NTM: variants seen among roughly 807,000 people sequenced by gnomAD.
The protein encoded by NTM is neurotrimin, also known as IgLON family member 2.
A neutral mutation model predicts 42.1 loss-of-function variants in NTM; 13 were observed. The ratio of observed to expected loss-of-function variants is 0.31; its 90% confidence interval spans 0.20 to 0.49. The LOEUF is 0.49. NTM is among the 20% of genes least tolerant of loss of function. NTM has a pLI of 0.99. For synonymous variants in NTM, 187 were observed against 179.2 expected (o/e 1.04, Z -0.35); for missense variants, 373 against 452.8 (o/e 0.82, Z 1.60).
intron 1 of NTM, among the ~76,000 whole-genome samples, chr11:131,464,362 G>T (rs547024998): frequency 1.4e-4 from 22 of 151,894 alleles, no homozygotes; most frequent in Non-Finnish European, 2.5e-4. Context: ...GGAAAGCTGG[G>T]GGGGGGGCAG....
intron 3 of NTM, among the ~76,000 whole-genome samples, chr11:132,169,715 A>G (rs990305564): frequency 6.6e-6 from 1 of 152,172 alleles, no homozygotes; most frequent in Non-Finnish European, 1.5e-5. Flanking sequence ...GATAAGAAGC[A>G]GAATACTGAC....
intron 1 of NTM, among the ~76,000 whole-genome samples, chr11:131,652,273 T>G (rs963461431): frequency 1.3e-5 from 2 of 151,968 alleles, no homozygotes; most frequent in Admixed American, 6.6e-5. Flanking sequence ...GATCATTGTG[T>G]TTTTTTTCTA....
At chr11:131,977,379 A>G (rs1289775509) in intron 2 of NTM, among the ~76,000 whole-genome samples, 3 of 152,230 alleles carry the variant, frequency 2.0e-5, no homozygotes, top group Admixed American at 6.5e-5. Flanking sequence ...ATGTCATGCA[A>G]GGCTATTCTG....
intron 3 of NTM, among the ~76,000 whole-genome samples, chr11:132,209,653 A>G (rs931503380): frequency 1.3e-5 from 2 of 152,226 alleles, no homozygotes; most frequent in African/African-American, 4.8e-5. Flanking sequence ...TATAGGAGAC[A>G]CTACAGTGCT....
chr11:131,719,816 G>T (rs1442511097), intron 1 of NTM, among the ~76,000 whole-genome samples: 2 of 152,172 alleles, frequency 1.3e-5, no homozygotes, highest in East Asian at 3.9e-4. Flanking sequence ...GATCTAAGTG[G>T]AAAAGTAACA....
intron 1 of NTM, among the ~76,000 whole-genome samples, chr11:131,399,902 A>G: frequency 6.6e-6 from 1 of 152,158 alleles, no homozygotes; most frequent in East Asian, 1.9e-4. Flanking sequence ...CATGGCGGGA[A>G]AAGTAACTAT....
intron 1 of NTM, among the ~76,000 whole-genome samples, chr11:131,480,148 T>G (rs925816455): frequency 8.7e-6 from 1 of 114,518 alleles, no homozygotes; most frequent in Non-Finnish European, 1.8e-5. Context: ...TTTTTTTTTT[T>G]GCACTTTCTT....
chr11:132,011,625 C>T (rs2072224827), intron 2 of NTM, among the ~76,000 whole-genome samples: 1 of 152,132 alleles, frequency 6.6e-6, no homozygotes, highest in South Asian at 2.1e-4. Flanking sequence ...TATAACAATT[C>T]TATGACTTAG....
intron 2 of NTM, among the ~76,000 whole-genome samples, chr11:131,994,420 G>A (rs900960221): frequency 3.3e-5 from 5 of 152,142 alleles, no homozygotes; most frequent in African/African-American, 1.2e-4. Context: ...TATTAGGGGA[G>A]CCCTCAGGAG....
chr11:131,668,485 C>A (rs747181776), intron 1 of NTM, among the ~76,000 whole-genome samples: 1 of 152,132 alleles, frequency 6.6e-6, no homozygotes, highest in African/African-American at 2.4e-5. Context: ...GAAAGGACAG[C>A]ACCCGCGTGG....
chr11:131,728,873 C>T (rs2079282756), intron 1 of NTM, among the ~76,000 whole-genome samples: 1 of 152,136 alleles, frequency 6.6e-6, no homozygotes, highest in Non-Finnish European at 1.5e-5. Flanking sequence ...CACCAGTCAA[C>T]TCATTAGTGT....
Position 131,370,743 on chromosome 11 carries a change from G to GGAAA in NTM, c.-51_-48dup, listed in dbSNP as rs1280525120. 13 of 1,378,234 alleles carry GGAAA rather than the reference G, an allele frequency of 9.4e-6. No homozygotes were observed. The highest frequency in any genetic ancestry group is 2.3e-5 in the East Asian group (1 of 43,778). 85.4% of individuals were successfully genotyped at this position (1,378,234 alleles called of 1,614,324 possible). Reference sequence around the variant, plus strand: ...AGCTTGAGAGCAACACAATCTATCAGGAAAGAAAGAAAGAAAAAAACCGAA... The same window carrying GGAAA: ...AGCTTGAGAGCAACACAATCTATCAGGAAAGAAAGAAAGAAAGAAAAAAACCGAA... On this transcript the variant is annotated 5_prime_UTR_variant, in exon 1 of 9. Coordinates refer to ENST00000683400, the MANE Select transcript of NTM (RefSeq NM_001352005.2).
chr11:132,087,094 A>G (rs2059813410), intron 2 of NTM, among the ~76,000 whole-genome samples: 1 of 152,094 alleles, frequency 6.6e-6, no homozygotes, highest in Non-Finnish European at 1.5e-5. Flanking sequence ...CCTAGGGAAT[A>G]CCCAGGATAT....
At chr11:131,434,269 C>G (rs952787578) in intron 1 of NTM, among the ~76,000 whole-genome samples, 9 of 152,140 alleles carry the variant, frequency 5.9e-5, no homozygotes, top group Non-Finnish European at 1.2e-4. Flanking sequence ...TGTCTTTATA[C>G]TAGCATGATT....
At chr11:131,690,424 C>A (rs575726194) in intron 1 of NTM, among the ~76,000 whole-genome samples, 4 of 152,144 alleles carry the variant, frequency 2.6e-5, no homozygotes, top group Non-Finnish European at 5.9e-5. Context: ...GCCAGCCCAG[C>A]GCACCTAGTC....
intron 1 of NTM, among the ~76,000 whole-genome samples, chr11:131,631,281 GTGTGTA>G (rs2063631133): frequency 6.6e-6 from 1 of 152,188 alleles, no homozygotes; most frequent in Non-Finnish European, 1.5e-5. Flanking sequence ...ACTGCAGTGT[GTGTGTA>G]TGTATCTCAG....
rs953677174 is a variant in NTM at position 132,071,027 on chromosome 11, C to T, written c.168-75255C>T. Among the ~76,000 whole-genome samples, 8 of 140,722 alleles carry T rather than the reference C, an allele frequency of 5.7e-5. 2 individuals are homozygous for T. The highest frequency in any genetic ancestry group is 1.1e-4 in the Non-Finnish European group (7 of 63,504). The allele number at this position is 140,722 out of a possible 152,430, so 92.3% of individuals were successfully genotyped here. A position where few individuals can be genotyped will look rare whatever the true frequency, so the allele number is the denominator to read the frequency against. On this transcript the variant is annotated intron_variant, in intron 2 of 8. Coordinates refer to ENST00000683400, the MANE Select transcript of NTM (RefSeq NM_001352005.2). ...ACACTGACCATCACAGGTTGGTTAA[C>T]ACGTCACTCAGCCAAGTTAACACGT...
At chr11:132,196,630 T>G (rs2080262497) in intron 3 of NTM, among the ~76,000 whole-genome samples, 2 of 152,284 alleles carry the variant, frequency 1.3e-5, no homozygotes, top group South Asian at 4.1e-4. Context: ...TCAAATCATG[T>G]TCTTTCCAGT....
chr11:131,878,594 A>AT (rs1358560485), intron 1 of NTM, among the ~76,000 whole-genome samples: 2 of 19,336 alleles, frequency 1.0e-4, no homozygotes, highest in Non-Finnish European at 2.0e-4. Flanking sequence ...AAAAAAAAAA[A>AT]ATATATATAT....
Sources: allele counts gnomAD v4.1 joint callset (sites outside exome capture counted in the v4.1 genomes callset), GRCh38; gene constraint gnomAD v4.1.1; transcripts MANE v1.5; gene names NCBI Gene and HGNC (gene_info 2026-07-23, HGNC 2026-07-21).